The following TBC1D2B variants were observed in gnomAD, a reference collection of about 807,000 sequenced individuals.
TBC1D2B encodes the protein TBC1 domain family member 2B, also known as TBC1 domain family, member 2B.
In TBC1D2B, 64 loss-of-function variants were observed where a neutral mutation model predicts 100.8. The ratio of observed to expected loss-of-function variants is 0.64; its 90% CI spans 0.52 to 0.78. The LOEUF (loss-of-function observed/expected upper bound fraction) is 0.78. TBC1D2B is among the 30% of genes least tolerant of loss of function. The pLI is 0.00. For synonymous variants in TBC1D2B, 480 were observed against 479.7 expected, an observed-to-expected ratio of 1.00 and a Z score of -0.01; for missense variants, 1,052 against 1,218.4, an observed-to-expected ratio of 0.86 and a Z score of 2.03.
chr15:78,027,278 G>A (rs1459432097), intron 4 of TBC1D2B, among the ~76,000 whole-genome samples: 1 of 152,156 alleles, frequency 6.6e-6, no homozygotes, highest in African/African-American at 2.4e-5. Flanking sequence ...TGGTTCCTAG[G>A]GTGCTGGCAT....
chr15:78,055,190 A>G (rs1396086089), intron 1 of TBC1D2B, among the ~76,000 whole-genome samples: 1 of 152,124 alleles, frequency 6.6e-6, no homozygotes, highest in Non-Finnish European at 1.5e-5. Context: ...GCTGACTACA[A>G]AGCGGCAGCA....
At chr15:78,016,870 G>T in intron 7 of TBC1D2B, 131 bp from the exon 8 acceptor site, 1 of 711,070 alleles carries the variant, frequency 1.4e-6, no homozygotes, top group Non-Finnish European at 2.2e-6. Context: ...CTGTAGCAAA[G>T]ACAAGAAATT....
Position 78,039,212 on chromosome 15 carries a change from G to C in TBC1D2B, c.683+5688C>G, listed in dbSNP as rs115994200. Among the ~76,000 whole-genome samples the C allele has an allele frequency of 6.4e-3, 976 of 152,278 alleles. 19 individuals carry two copies. The highest frequency in any genetic ancestry group is 0.022 in the African/African-American group (931 of 41,552). ...AGGAAAATCACAAGTACCACATTAC[G>C]GCTCCGGGACAGGAAAAACTTCCCC... is the stretch of plus-strand genomic sequence containing the variant. On this transcript the variant is annotated intron_variant, in intron 3 of 12. Coordinates refer to ENST00000300584, the MANE Select transcript of TBC1D2B (RefSeq NM_144572.2).
At chr15:78,001,881 C>T in intron 11 of TBC1D2B, 141 bp from the exon 12 acceptor site, 1 of 918,178 alleles carries the variant, frequency 1.1e-6, no homozygotes, top group Non-Finnish European at 1.6e-6. Context: ...AGACTATTGA[C>T]CTGAGGGGCA....
At chr15:78,041,221 C>T (rs750361291) in intron 3 of TBC1D2B, among the ~76,000 whole-genome samples, 1 of 152,136 alleles carries the variant, frequency 6.6e-6, no homozygotes, top group Non-Finnish European at 1.5e-5. Context: ...TTCCTAGAAA[C>T]AACAATTCCT....
intron 9 of TBC1D2B, among the ~76,000 whole-genome samples, chr15:78,009,328 A>C (rs921778232): frequency 2.0e-5 from 3 of 152,154 alleles, no homozygotes; most frequent in Admixed American, 6.5e-5. Flanking sequence ...TGAGGCTAGG[A>C]GTTTAAGACC....
intron 6 of TBC1D2B, among the ~76,000 whole-genome samples, chr15:78,018,533 A>T (rs1304288494): frequency 6.6e-6 from 1 of 152,264 alleles, no homozygotes; most frequent in East Asian, 1.9e-4. Context: ...AGTTGAAAGA[A>T]AAGTACAATG....
chr15:78,029,875 C>T (rs147762425), intron 4 of TBC1D2B, 132 bp downstream of exon 4: 7,522 of 601,294 alleles, frequency 0.013, 80 homozygotes, highest in Middle Eastern at 0.042. Context: ...GTTTTAAGTC[C>T]GACAAAGAGA....
At position 78,016,704 on chromosome 15, in the gene TBC1D2B, T is replaced by A; in HGVS notation, c.1617A>T (p.Glu539Asp). The change falls in exon 8 of 13, where the codon GAA (glutamate) becomes GAT (aspartate). Residue 539 changes from glutamate to aspartate, a missense_variant. Transcript: ENST00000300584. Reference sequence around the variant, plus strand: ...CTTGGAGCAATATCAGGTATTTACTTTCTATCTGGCAGAGCTTGGCTTCCA... The same window carrying A: ...CTTGGAGCAATATCAGGTATTTACTATCTATCTGGCAGAGCTTGGCTTCCA... ...SSLEAKLCQI[E>D]SKYLILLQEM... 1.3e-6 allele frequency: 2 copies of A among 1,585,152 alleles called. No individual in the cohort carries two copies. The highest frequency in any genetic ancestry group is 1.7e-6 in the Non-Finnish European group (2 of 1,166,832).
At chr15:78,050,557 C>T (rs770474935) in intron 2 of TBC1D2B, among the ~76,000 whole-genome samples, 39 of 152,184 alleles carry the variant, frequency 2.6e-4, no homozygotes, top group Non-Finnish European at 5.4e-4. Flanking sequence ...GTTCTAGCTA[C>T]CTCATTCTCA....
chr15:78,010,230 T>C (rs958853259), intron 9 of TBC1D2B, among the ~76,000 whole-genome samples: 55 of 152,240 alleles, frequency 3.6e-4, no homozygotes, highest in African/African-American at 1.2e-3. Flanking sequence ...AAGAGGACCA[T>C]GTGTCTCACT....
intron 3 of TBC1D2B, among the ~76,000 whole-genome samples, chr15:78,037,684 T>C (rs1035186905): frequency 1.3e-5 from 2 of 152,126 alleles, no homozygotes; most frequent in South Asian, 4.2e-4. Context: ...CAGAACGGGC[T>C]TCTCAAATGC....
At chr15:78,059,116 C>T (rs1216411711) in intron 1 of TBC1D2B, among the ~76,000 whole-genome samples, 2 of 152,212 alleles carry the variant, frequency 1.3e-5, no homozygotes, top group Non-Finnish European at 2.9e-5. Flanking sequence ...GCAGGTTTCC[C>T]TGATCTGGGT....
In TBC1D2B at chr15:78,077,333, T is replaced by C. The variant is rs545635502; in HGVS notation, c.320A>G (p.His107Arg). Reference sequence around the variant, plus strand: ...GGCTCCCGCGCTGTGCACCTGGAAGTGCGCGGGCGGCTCCGTGCCCGGCTC... The same window carrying C: ...GGCTCCCGCGCTGTGCACCTGGAAGCGCGCGGGCGGCTCCGTGCCCGGCTC... ...AAEPGTEPPAHFQVHSAGAVT... is the reference protein window; with the variant it reads ...AAEPGTEPPARFQVHSAGAVT... Residue 107 changes from histidine to arginine, a missense_variant, in exon 1 of 13, where the codon CAC becomes CGC. His to Arg is a conservative substitution (Grantham distance 29). Coordinates refer to ENST00000300584, the MANE Select transcript of TBC1D2B (RefSeq NM_144572.2). 3.9e-6 allele frequency: 6 copies of C among 1,536,304 alleles called. No homozygotes were observed. In the African/African-American group the frequency reaches 8.4e-5, roughly 22 times the overall value.
Position 78,001,673 on chromosome 15 carries a change from G to C in TBC1D2B, c.2642C>G (p.Ser881Trp), listed in dbSNP as rs752086483. The change falls in exon 12 of 13, where the codon TCG (serine) becomes TGG (tryptophan). Residue 881 changes from serine to tryptophan, a missense_variant. This residue lies in a region of TBC1D2B where 373 missense variants were observed against 464.9 expected (regional missense o/e 0.80). Transcript: ENST00000300584. ...KEEEILKLQD[S>W]MSIFKYLRYF... ...GCGGAGATACTTAAATATAGACATC[G>C]AATCTTGCAATTTCAAAATCTCCTC... 2 of 1,608,026 alleles carry C rather than the reference G, an allele frequency of 1.2e-6. No individual in the cohort carries two copies. The highest frequency in any genetic ancestry group is 1.7e-5 in the Admixed American group (1 of 59,196).
rs1013844076 is a variant in TBC1D2B at position 78,009,241 on chromosome 15, A to G, written c.2271-127T>C. ...CAAAATTATTTCTAGTTCTCCAATA[A>G]AGAATAATAAGGACCTGGCTTAATG... is the stretch of plus-strand genomic sequence containing the variant. On this transcript the variant is annotated intron_variant, in intron 9 of 12. Transcript: ENST00000300584. 1.3e-4 allele frequency: 88 copies of G among 652,222 alleles called. No individual in the cohort carries two copies. In the Middle Eastern group the frequency reaches 3.7e-3, roughly 27 times the overall value. The allele number at this position is 652,222 out of a possible 1,614,324, so 40.4% of individuals were successfully genotyped here.
chr15:78,003,197 ATGG>A, intron 11 of TBC1D2B, 105 bp downstream of exon 11: 1 of 965,832 alleles, frequency 1.0e-6, no homozygotes, highest in East Asian at 2.4e-5. Context: ...CTTGGGCACC[ATGG>A]TAACCCTCAT....
At chr15:78,024,708 G>GA (rs552424114) in intron 5 of TBC1D2B, among the ~76,000 whole-genome samples, 169 bp from the exon 6 acceptor site, 1 of 151,848 alleles carries the variant, frequency 6.6e-6, no homozygotes, top group East Asian at 1.9e-4. Context: ...AAAAATAGAG[G>GA]AAAAAAATAT....
chr15:78,053,955 C>A, intron 2 of TBC1D2B, 79 bp downstream of exon 2: 1 of 1,396,628 alleles, frequency 7.2e-7, no homozygotes, highest in Middle Eastern at 2.3e-4. Flanking sequence ...AATTCATTTT[C>A]ATTCACTGCT....
Sources: gnomAD v4.1 joint callset for allele counts (sites outside exome capture counted in the v4.1 genomes callset) on GRCh38, gnomAD v4.1.1 for gene constraint, gnomAD v4.1.1 regional missense constraint, MANE v1.5 for transcripts, NCBI Gene and HGNC (gene_info 2026-07-23, HGNC 2026-07-21) for gene names.